Variants in SHISA9 observed in about 807,000 individuals in gnomAD.
The protein encoded by SHISA9 is protein shisa-9.
A neutral mutation model predicts 38.0 loss-of-function variants in SHISA9; 13 were observed. That is an observed-to-expected ratio of 0.34 (90% CI 0.22 to 0.54). The LOEUF (loss-of-function observed/expected upper bound fraction) is 0.54, where lower values mean the gene tolerates loss of function less well. SHISA9 is among the 20% of genes least tolerant of loss of function. The probability of loss-of-function intolerance (pLI) is 0.91; values close to 1 mark genes in which losing one functional copy is unlikely to be tolerated. For synonymous variants in SHISA9, 275 were observed against 242.0 expected, an observed-to-expected ratio of 1.14 and a Z score of -1.27; for missense variants, 538 against 575.8, an observed-to-expected ratio of 0.93 and a Z score of 0.67.
chr16:13,465,830 T>A, the SHISA9 span, among the ~76,000 whole-genome samples: 1 of 152,242 alleles, frequency 6.6e-6, no homozygotes, highest in African/African-American at 2.4e-5. Context: ...ATGGGTCAAA[T>A]GTGGCCCACT....
the SHISA9 span, among the ~76,000 whole-genome samples, chr16:13,361,926 TA>T: frequency 2.6e-5 from 4 of 152,036 alleles, no homozygotes; most frequent in Non-Finnish European, 5.9e-5. Context: ...CCTTTGTCAT[TA>T]AAAAGAGGTA....
chr16:13,538,598 C>A, the SHISA9 span, among the ~76,000 whole-genome samples: 1 of 152,264 alleles, frequency 6.6e-6, no homozygotes, highest in East Asian at 1.9e-4. Flanking sequence ...TTATGATGGA[C>A]TGAAGTGTTG....
At chr16:13,527,289 G>T in the SHISA9 span, among the ~76,000 whole-genome samples, 3 of 151,996 alleles carry the variant, frequency 2.0e-5, no homozygotes, top group Non-Finnish European at 2.9e-5. Context: ...AGCGTTTTTG[G>T]AGAACGCCTC....
chr16:13,448,204 C>T, the SHISA9 span, among the ~76,000 whole-genome samples: 1 of 152,062 alleles, frequency 6.6e-6, no homozygotes, highest in Non-Finnish European at 1.5e-5. Context: ...GAGTGCTTTC[C>T]CTGGAAGTAG....
At chr16:13,172,588 A>G (rs2050695880) in intron 2 of SHISA9, among the ~76,000 whole-genome samples, 3 of 152,166 alleles carry the variant, frequency 2.0e-5, no homozygotes, top group African/African-American at 7.2e-5. Flanking sequence ...AATAACAATG[A>G]AAACACCATT....
chr16:13,067,516 G>C (rs1268300874), intron 2 of SHISA9, among the ~76,000 whole-genome samples: 1 of 152,218 alleles, frequency 6.6e-6, no homozygotes, highest in East Asian at 1.9e-4. Flanking sequence ...CTTGGCCAAG[G>C]CCAATGTGTT....
At chr16:13,124,970 A>C (rs2050243752) in intron 2 of SHISA9, among the ~76,000 whole-genome samples, 1 of 152,216 alleles carries the variant, frequency 6.6e-6, no homozygotes, top group Non-Finnish European at 1.5e-5. Context: ...AATCAAATCA[A>C]AATGGATTAA....
chr16:12,973,180 A>C (rs2072108033), intron 2 of SHISA9, among the ~76,000 whole-genome samples: 2 of 152,234 alleles, frequency 1.3e-5, no homozygotes, highest in African/African-American at 2.4e-5. Context: ...GCAGGGACTC[A>C]TGAAGGATCC....
chr16:13,203,741 C>T (rs1394480585), intron 3 of SHISA9, among the ~76,000 whole-genome samples, 192 bp downstream of exon 3: 1 of 151,984 alleles, frequency 6.6e-6, no homozygotes, highest in Non-Finnish European at 1.5e-5. Flanking sequence ...ATCTATATAT[C>T]TATCTATGTC....
In SHISA9 at chr16:13,240,166, A is replaced by G. The variant is rs1248710187; in HGVS notation, c.*4757A>G. ...GCCTTGGGCTCCGCCTGGCCTCCCC[A>G]TCTAACTCTTCCCAGTTTTTTGTGT... On this transcript the variant is annotated 3_prime_UTR_variant, in exon 5 of 5. Coordinates refer to ENST00000558583, the MANE Select transcript of SHISA9 (RefSeq NM_001145204.3). 6.6e-6 allele frequency: 1 copy of G among 152,166 alleles called. No individual in the cohort carries two copies. 9.4% of individuals were successfully genotyped at this position (152,166 alleles called of 1,614,324 possible). A position where few individuals can be genotyped will look rare whatever the true frequency, so the allele number is the denominator to read the frequency against.
chr16:13,234,720 T>C (rs932321148), intron 4 of SHISA9, among the ~76,000 whole-genome samples: 8 of 152,162 alleles, frequency 5.3e-5, no homozygotes, highest in African/African-American at 1.9e-4. Flanking sequence ...GCGAATTTCA[T>C]AGGCAAACCA....
intron 2 of SHISA9, among the ~76,000 whole-genome samples, chr16:13,200,945 A>G (rs1294068601): frequency 7.4e-6 from 1 of 135,248 alleles, no homozygotes; most frequent in Non-Finnish European, 1.6e-5. Context: ...TCAGGGGTTG[A>G]GTTATCTAAA....
At chr16:13,406,002 T>C in the SHISA9 span, among the ~76,000 whole-genome samples, 11 of 146,892 alleles carry the variant, frequency 7.5e-5, no homozygotes, top group African/African-American at 2.5e-4. Flanking sequence ...CTAATTAAAC[T>C]AAAGAAAAAG....
the SHISA9 span, among the ~76,000 whole-genome samples, chr16:13,314,640 T>C: frequency 2.6e-5 from 4 of 152,180 alleles, no homozygotes; most frequent in East Asian, 1.9e-4. Flanking sequence ...TTTGGACATA[T>C]GCACACATCT....
At chr16:13,058,487 T>A (rs1394726007) in intron 2 of SHISA9, among the ~76,000 whole-genome samples, 1 of 152,150 alleles carries the variant, frequency 6.6e-6, no homozygotes, top group Non-Finnish European at 1.5e-5. Flanking sequence ...CTCCCACAAC[T>A]ACCATGACTT....
chr16:13,378,212 T>C, the SHISA9 span, among the ~76,000 whole-genome samples: 1 of 152,206 alleles, frequency 6.6e-6, no homozygotes, highest in African/African-American at 2.4e-5. Context: ...ACTTGAATGG[T>C]TCAGGGATTG....
At chr16:13,381,387 A>T in the SHISA9 span, among the ~76,000 whole-genome samples, 1 of 152,356 alleles carries the variant, frequency 6.6e-6, no homozygotes, top group South Asian at 2.1e-4. Context: ...GAAGTAATTT[A>T]TCCATAGGAA....
At chr16:13,334,517 G>A in the SHISA9 span, among the ~76,000 whole-genome samples, 19 of 152,266 alleles carry the variant, frequency 1.2e-4, no homozygotes, top group African/African-American at 2.2e-4. Context: ...GCTCATGCCC[G>A]TAGTCCCAAC....
rs570379093 is a variant in SHISA9 at position 13,217,530 on chromosome 16, A to G, written c.895+4230A>G. 3.9e-5 allele frequency among the ~76,000 whole-genome samples: 6 copies of G among 152,258 alleles called. No homozygotes were observed. In the South Asian group the frequency reaches 1.0e-3, roughly 26 times the overall value. On this transcript the variant is annotated intron_variant, in intron 4 of 4. Coordinates refer to ENST00000558583, the MANE Select transcript of SHISA9 (RefSeq NM_001145204.3). ...CAGCCTGCGTCCCCCTTTCCAAGCT[A>G]CATACATGCTCCACGCTCCCATTTC...
Sources: gnomAD v4.1 joint callset for allele counts (sites outside exome capture counted in the v4.1 genomes callset) on GRCh38, gnomAD v4.1.1 for gene constraint, MANE v1.5 for transcripts, NCBI Gene and HGNC (gene_info 2026-07-23, HGNC 2026-07-21) for gene names.